TPM1: variants seen among roughly 807,000 people sequenced by gnomAD.
TPM1 encodes the protein tropomyosin alpha-1 chain.
TPM1 carries 24 observed loss-of-function variants against 42.9 expected under a neutral mutation model. The ratio of observed to expected loss-of-function variants is 0.56; its 90% CI spans 0.41 to 0.79. The LOEUF is 0.79. TPM1 is among the 30% of genes least tolerant of loss of function. The pLI is 0.00. For synonymous variants in TPM1, 136 were observed against 130.1 expected (o/e 1.05, Z -0.31); for missense variants, 158 against 351.8 (o/e 0.45, Z 4.41).
At chr15:63,043,216 G>T (rs2031557620) in intron 1 of TPM1, 1 of 529,814 alleles carries the variant, frequency 1.9e-6, no homozygotes, top group Non-Finnish European at 3.4e-6. Flanking sequence ...TCAGGACTGG[G>T]AATCAGTTTG....
In TPM1 at chr15:63,059,035, A is replaced by G. The variant is rs548384031; in HGVS notation, c.375-528A>G. Among the ~76,000 whole-genome samples the G allele has an allele frequency of 1.5e-3, 236 of 152,362 alleles. 1 individual carries two copies. Among genetic ancestry groups the G allele is most frequent in the Middle Eastern group, 6.8e-3 (2 of 294 alleles). The stretch of plus-strand genomic sequence containing the variant: ...TATTACTTGTCTGAAATGGTCAAAT[A>G]TCAGCATTCTTTGTGGACTTAATAG... On this transcript the variant is annotated intron_variant, in intron 3 of 9. Transcript: ENST00000403994.
chr15:63,043,689 C>T, intron 1 of TPM1: 3 of 1,542,532 alleles, frequency 1.9e-6, no homozygotes, highest in Non-Finnish European at 2.6e-6. Context: ...CCCGCGCCCG[C>T]CCGCCGCTGC....
At chr15:63,063,622 T>C (rs2035938885) in intron 8 of TPM1, among the ~76,000 whole-genome samples, 1 of 152,182 alleles carries the variant, frequency 6.6e-6, no homozygotes, top group African/African-American at 2.4e-5. Context: ...AAATTGTTCT[T>C]CCAAAACACT....
chr15:63,060,626 GA>G (rs1465583916), intron 4 of TPM1, among the ~76,000 whole-genome samples: 7 of 152,352 alleles, frequency 4.6e-5, no homozygotes, highest in African/African-American at 1.4e-4. Context: ...ACCTAGGTCA[GA>G]CTTCCAATTG....
chr15:63,047,767 T>A (rs1596314605), intron 2 of TPM1: 1 of 156,498 alleles, frequency 6.4e-6, no homozygotes, highest in East Asian at 1.9e-4. Context: ...TACAAGGTAT[T>A]GTGCTAAGCG....
At chr15:63,069,271 A>G (rs1405647654), downstream of TPM1, among the ~76,000 whole-genome samples, 2 of 152,204 alleles carry the variant, frequency 1.3e-5, no homozygotes, top group Non-Finnish European at 2.9e-5. Context: ...CAGAATGTGT[A>G]CCCTGTATTG....
chr15:63,058,633 C>T (rs2140926009), intron 3 of TPM1, among the ~76,000 whole-genome samples: 1 of 152,238 alleles, frequency 6.6e-6, no homozygotes, highest in African/African-American at 2.4e-5. Flanking sequence ...CGCTTGAACC[C>T]AGTAGGTGGA....
intron 2 of TPM1, chr15:63,048,114 G>A (rs777212630): frequency 9.5e-6 from 4 of 420,050 alleles, no homozygotes; most frequent in Admixed American, 5.4e-5. Context: ...ATCTGGACTC[G>A]GGAGCGGAGC....
At chr15:63,057,691 A>G (rs951907502) in intron 3 of TPM1, among the ~76,000 whole-genome samples, 8 of 152,260 alleles carry the variant, frequency 5.3e-5, no homozygotes, top group Non-Finnish European at 1.2e-4. Flanking sequence ...GCCCACCTCC[A>G]CTGTAATCTG....
chr15:63,042,868 C>A lies in TPM1; in HGVS notation c.39C>A (p.Leu13=). ...AIKKKMQMLK[L]DKENALDRAE... Reference sequence around the variant, plus strand: ...AGAAGAAGATGCAGATGCTGAAGCTCGACAAGGAGAACGCCTTGGATCGAG... The same window carrying A: ...AGAAGAAGATGCAGATGCTGAAGCTAGACAAGGAGAACGCCTTGGATCGAG... Residue 13 remains leucine (L), a synonymous_variant, in exon 1 of 10, where the codon CTC becomes CTA. Coordinates refer to ENST00000403994, the MANE Select transcript of TPM1 (RefSeq NM_001018005.2). 6.2e-7 allele frequency: 1 copy of A among 1,613,364 alleles called. No individual in the cohort carries two copies. Among genetic ancestry groups the A allele is most frequent in the Non-Finnish European group, 8.5e-7 (1 of 1,179,502 alleles).
At chr15:63,070,808 T>C, downstream of TPM1, 1 of 1,242,086 alleles carries the variant, frequency 8.1e-7, no homozygotes, top group Non-Finnish European at 1.0e-6. Context: ...ACACCGTCAG[T>C]GAACCTTCAC....
chr15:63,063,288 G>A (rs2035896257), intron 8 of TPM1: 1 of 985,402 alleles, frequency 1.0e-6, no homozygotes, highest in Non-Finnish European at 1.2e-6. Flanking sequence ...TCACAGAAGG[G>A]ATTAGAGAAG....
At chr15:63,046,586 G>T (rs1271336346) in intron 2 of TPM1, 1 of 152,428 alleles carries the variant, frequency 6.6e-6, no homozygotes, top group African/African-American at 2.4e-5. Flanking sequence ...ATCCCTGATG[G>T]TCTTGTTTCG....
In TPM1 at chr15:63,064,099, A is replaced by G. The variant is rs1555410445; in HGVS notation, c.808A>G (p.Ile270Val). Reference protein sequence around the residue: ...LYAQKLKYKAISEELDHALND... With the variant: ...LYAQKLKYKAVSEELDHALND... The stretch of plus-strand genomic sequence containing the variant: ...CGCTCAGAAACTGAAGTACAAAGCC[A>G]TCAGCGAGGAGCTGGACCACGCTCT... Residue 270 changes from isoleucine to valine, a missense_variant, in exon 9 of 10, where the codon ATC becomes GTC. This residue lies in a region of TPM1 where 64 missense variants were observed against 95.8 expected (regional missense o/e 0.67). Transcript: ENST00000403994. The G allele has an allele frequency of 6.2e-7, 1 of 1,614,156 alleles. No homozygotes were observed.
intron 2 of TPM1, among the ~76,000 whole-genome samples, chr15:63,050,067 G>A (rs2033519331): frequency 6.6e-6 from 1 of 152,208 alleles, no homozygotes; most frequent in South Asian, 2.1e-4. Context: ...GTAAAGTGTG[G>A]ATAGTAACAG....
chr15:63,061,676 G>C (rs750664359), intron 5 of TPM1, 37 bp from the exon 6 acceptor site: 1 of 1,599,282 alleles, frequency 6.3e-7, no homozygotes, highest in East Asian at 2.2e-5. Flanking sequence ...CCTTTGGCTT[G>C]TCTCCCACCC....
Position 63,065,795 on chromosome 15 carries a change from T to C in TPM1, c.852-101T>C, listed in dbSNP as rs1467596338. The C allele has an allele frequency of 4.2e-6, 6 of 1,432,780 alleles. No individual in the cohort carries two copies. The South Asian group carries it at 7.6e-5, about 18-fold the overall frequency. The allele number at this position is 1,432,780 out of a possible 1,614,324, so 88.8% of individuals were successfully genotyped here. On this transcript the variant is annotated intron_variant, in intron 9 of 9. Coordinates refer to ENST00000403994, the MANE Select transcript of TPM1 (RefSeq NM_001018005.2). ...GGTTTGCATGACTGCTTCTTGTCTG[T>C]GTTTCAAGTGCTCTCATCTATTGGT...
rs1309812305 is a variant in TPM1 at position 63,042,790 on chromosome 15, C to T, written c.-40C>T. On this transcript the variant is annotated 5_prime_UTR_variant, in exon 1 of 10. Coordinates refer to ENST00000403994, the MANE Select transcript of TPM1 (RefSeq NM_001018005.2). ...CCGCCCGACCGCGCGCTCGCCCCGC[C>T]GCTCCTGCTGCAGCCCCAGGGCCCC... The T allele has an allele frequency of 1.3e-6, 2 of 1,570,878 alleles. No homozygotes were observed. The highest frequency in any genetic ancestry group is 1.3e-5 in the African/African-American group (1 of 74,088).
At chr15:63,057,316 C>G (rs1329753991) in intron 3 of TPM1, among the ~76,000 whole-genome samples, 198 bp downstream of exon 3, 2 of 152,326 alleles carry the variant, frequency 1.3e-5, no homozygotes, top group South Asian at 2.1e-4. Context: ...AAAGCACTGT[C>G]CTAAGCCCTA....
Sources: allele counts gnomAD v4.1 joint callset (sites outside exome capture counted in the v4.1 genomes callset), GRCh38; gene constraint gnomAD v4.1.1; regional missense constraint gnomAD v4.1.1; transcripts MANE v1.5; gene names NCBI Gene and HGNC (gene_info 2026-07-23, HGNC 2026-07-21).